The following SRGAP1 variants were observed in gnomAD, a reference collection of about 807,000 sequenced individuals.
SRGAP1 encodes the protein SLIT-ROBO Rho GTPase-activating protein 1.
A neutral mutation model predicts 121.9 loss-of-function variants in SRGAP1; 43 were observed. That is an observed-to-expected ratio of 0.35 (90% CI 0.28 to 0.46). The LOEUF (loss-of-function observed/expected upper bound fraction) is 0.46, where lower values mean the gene tolerates loss of function less well. Ranked by LOEUF, SRGAP1 falls within the 20% of genes least tolerant of loss-of-function variation. The probability of loss-of-function intolerance (pLI) is 1.00; values close to 1 mark genes in which losing one functional copy is unlikely to be tolerated. For missense variants in SRGAP1, 1,102 were observed against 1,350.9 expected, an observed-to-expected ratio of 0.82 and a Z score of 2.89; for synonymous variants, 447 against 485.4, an observed-to-expected ratio of 0.92 and a Z score of 1.04.
intron 21 of SRGAP1, among the ~76,000 whole-genome samples, chr12:64,132,888 A>T (rs1040029076): frequency 1.3e-5 from 2 of 152,256 alleles, no homozygotes; most frequent in Non-Finnish European, 2.9e-5. Context: ...AGCTGAAAGC[A>T]AATTACTTCT....
intron 21 of SRGAP1, among the ~76,000 whole-genome samples, chr12:64,139,077 A>G (rs2036914814): frequency 6.6e-6 from 1 of 152,268 alleles, no homozygotes; most frequent in Admixed American, 6.5e-5. Context: ...AAATGTCTGG[A>G]GGACATTCAA....
At chr12:63,974,908 C>A (rs1178282850) in intron 1 of SRGAP1, among the ~76,000 whole-genome samples, 2 of 152,122 alleles carry the variant, frequency 1.3e-5, no homozygotes, top group Non-Finnish European at 2.9e-5. Context: ...TGCAGCCTCC[C>A]AAATCCTACA....
intron 1 of SRGAP1, chr12:63,982,604 A>G (rs569961620): frequency 6.6e-6 from 1 of 152,354 alleles, no homozygotes; most frequent in Admixed American, 6.5e-5. Context: ...TCTATCTAAG[A>G]GGAATAGCAA....
chr12:64,106,997 T>G (rs1592327639), intron 15 of SRGAP1, among the ~76,000 whole-genome samples: 1 of 152,338 alleles, frequency 6.6e-6, no homozygotes, highest in East Asian at 1.9e-4. Flanking sequence ...ACTTACATTC[T>G]GGTTCAAGAG....
chr12:63,854,412 G>A (rs1235484897), intron 1 of SRGAP1, among the ~76,000 whole-genome samples: 1 of 152,088 alleles, frequency 6.6e-6, no homozygotes, highest in Non-Finnish European at 1.5e-5. Flanking sequence ...ATCTTTTAAA[G>A]ATACATGCTG....
At chr12:64,090,682 A>C (rs933012457) in intron 11 of SRGAP1, among the ~76,000 whole-genome samples, 1 of 152,148 alleles carries the variant, frequency 6.6e-6, no homozygotes, top group Non-Finnish European at 1.5e-5. Flanking sequence ...TCTATAAAAA[A>C]TTTAAAAATT....
chr12:64,042,668 G>T, intron 4 of SRGAP1, 122 bp from the exon 5 acceptor site: 1 of 641,098 alleles, frequency 1.6e-6, no homozygotes. Flanking sequence ...CTGACAATCT[G>T]ACTTTTCCCC....
intron 3 of SRGAP1, among the ~76,000 whole-genome samples, chr12:63,992,820 A>T (rs2033592706): frequency 6.6e-6 from 1 of 152,128 alleles, no homozygotes; most frequent in Admixed American, 6.5e-5. Context: ...AAAGAATTTC[A>T]TCCTTGGAAA....
chr12:64,060,900 G>A (rs1015114097), intron 6 of SRGAP1, among the ~76,000 whole-genome samples: 3 of 152,168 alleles, frequency 2.0e-5, no homozygotes, highest in Non-Finnish European at 2.9e-5. Context: ...TATGCCTAGA[G>A]CCTAGCATAT....
intron 1 of SRGAP1, among the ~76,000 whole-genome samples, chr12:63,852,105 A>G (rs1899094655): frequency 6.6e-6 from 1 of 152,074 alleles, no homozygotes; most frequent in South Asian, 2.1e-4. Flanking sequence ...TGATCCTGCC[A>G]CCTCAGCCTC....
At chr12:63,870,099 C>G (rs1015595440) in intron 1 of SRGAP1, among the ~76,000 whole-genome samples, 1 of 152,102 alleles carries the variant, frequency 6.6e-6, no homozygotes, top group Non-Finnish European at 1.5e-5. Flanking sequence ...GTTTAAACTT[C>G]CAAAAAACTA....
chr12:64,089,388 G>C (rs112446427), intron 11 of SRGAP1, among the ~76,000 whole-genome samples: 1 of 152,118 alleles, frequency 6.6e-6, no homozygotes, highest in African/African-American at 2.4e-5. Context: ...GACCCACCCC[G>C]GTGCTTCCTT....
intron 1 of SRGAP1, among the ~76,000 whole-genome samples, chr12:63,920,636 T>A (rs2031003333): frequency 6.6e-6 from 1 of 152,138 alleles, no homozygotes; most frequent in Non-Finnish European, 1.5e-5. Context: ...AGAGATGAGT[T>A]GGATATGCAG....
intron 1 of SRGAP1, among the ~76,000 whole-genome samples, chr12:63,958,847 C>T (rs565296982): frequency 2.4e-4 from 37 of 152,306 alleles, no homozygotes; most frequent in African/African-American, 7.2e-4. Context: ...AATTTTCCCT[C>T]GGTGTTCTTT....
At chr12:64,104,646 C>G (rs2036311569) in intron 15 of SRGAP1, among the ~76,000 whole-genome samples, 1 of 152,172 alleles carries the variant, frequency 6.6e-6, no homozygotes, top group Non-Finnish European at 1.5e-5. Flanking sequence ...AGCAGCCAGC[C>G]AGGTAGAATT....
In SRGAP1 at chr12:64,160,646, CTGTT is replaced by C. The variant is rs1348596500; in HGVS notation, c.*17977_*17980del. The C allele has an allele frequency of 6.6e-6, 1 of 152,194 alleles. No individual in the cohort carries two copies. The highest frequency in any genetic ancestry group is 2.4e-5 in the African/African-American group (1 of 41,444). 9.4% of individuals were successfully genotyped at this position (152,194 alleles called of 1,614,324 possible). A position where few individuals can be genotyped will look rare whatever the true frequency, so the allele number is the denominator to read the frequency against. ...TTGTCTTCACAAGGAAGCCCAGACT[CTGTT>C]TGCCAGTGGCTGGGTCCTGGGGCCG... On this transcript the variant is annotated 3_prime_UTR_variant, in exon 22 of 22. Coordinates refer to ENST00000355086, the MANE Select transcript of SRGAP1 (RefSeq NM_020762.4).
At chr12:64,022,504 C>G (rs7974633) in intron 4 of SRGAP1, among the ~76,000 whole-genome samples, 1 of 151,986 alleles carries the variant, frequency 6.6e-6, no homozygotes, top group Non-Finnish European at 1.5e-5. Flanking sequence ...CTACTGATTC[C>G]TATGTTAATC....
chr12:64,094,903 G>A, intron 12 of SRGAP1, 29 bp from the exon 13 acceptor site: 1 of 1,605,922 alleles, frequency 6.2e-7, no homozygotes, highest in Non-Finnish European at 8.5e-7. Context: ...TCTCCCTTGA[G>A]GTTAACTGGT....
At position 64,159,835 on chromosome 12, in the gene SRGAP1, G is replaced by A. The variant is rs1424474482; in HGVS notation, c.*17163G>A. ...ACTCGAGTGGACTCTACAACAGCAG[G>A]AAATAAACTACTGTTATATCAAGCT... On this transcript the variant is annotated 3_prime_UTR_variant, in exon 22 of 22. Coordinates refer to ENST00000355086, the MANE Select transcript of SRGAP1 (RefSeq NM_020762.4). The A allele has an allele frequency of 6.6e-6, 1 of 152,156 alleles. No homozygotes were observed. Among genetic ancestry groups the A allele is most frequent in the Non-Finnish European group, 1.5e-5 (1 of 68,042 alleles). 9.4% of individuals were successfully genotyped at this position (152,156 alleles called of 1,614,324 possible).
Sources: gnomAD v4.1 joint callset for allele counts (sites outside exome capture counted in the v4.1 genomes callset) on GRCh38, gnomAD v4.1.1 for gene constraint, MANE v1.5 for transcripts, NCBI Gene and HGNC (gene_info 2026-07-23, HGNC 2026-07-21) for gene names.